Variants in HIPK2 observed in about 807,000 individuals in gnomAD.
HIPK2 encodes the protein homeodomain-interacting protein kinase 2.
In HIPK2, 27 loss-of-function variants were observed where a neutral mutation model predicts 113.7. That is an observed-to-expected ratio of 0.24 (90% CI 0.17 to 0.33). HIPK2 has a LOEUF of 0.33. HIPK2 is among the 10% of genes least tolerant of loss of function. The probability of loss-of-function intolerance (pLI) is 1.00; values close to 1 mark genes in which losing one functional copy is unlikely to be tolerated. For missense variants in HIPK2, 1,257 were observed against 1,588.0 expected (o/e 0.79, Z 3.54); for synonymous variants, 631 against 642.2 (o/e 0.98, Z 0.26).
chr7:139,581,801 G>A (rs1798677897), intron 13 of HIPK2, among the ~76,000 whole-genome samples: 1 of 152,220 alleles, frequency 6.6e-6, no homozygotes, highest in South Asian at 2.1e-4. Context: ...GGCACCAGAC[G>A]AGGAATGCCC....
intron 1 of HIPK2, among the ~76,000 whole-genome samples, chr7:139,762,175 T>G (rs752586992): frequency 6.6e-6 from 1 of 152,222 alleles, no homozygotes; most frequent in Non-Finnish European, 1.5e-5. Context: ...ATTCCTGGAA[T>G]GACTTGGGAA....
At chr7:139,742,603 T>C (rs1445775524) in intron 1 of HIPK2, among the ~76,000 whole-genome samples, 2 of 152,242 alleles carry the variant, frequency 1.3e-5, no homozygotes, top group African/African-American at 4.8e-5. Context: ...CTTTTAGCTC[T>C]AACAATGGGT....
intron 1 of HIPK2, among the ~76,000 whole-genome samples, chr7:139,740,448 GCT>G (rs1796067458): frequency 6.6e-6 from 1 of 152,190 alleles, no homozygotes; most frequent in African/African-American, 2.4e-5. Context: ...GCAAACTGGT[GCT>G]CTCTCTACCG....
At chr7:139,746,179 A>G (rs1170796629) in intron 1 of HIPK2, among the ~76,000 whole-genome samples, 1 of 152,152 alleles carries the variant, frequency 6.6e-6, no homozygotes, top group African/African-American at 2.4e-5. Context: ...ACATTCAAAT[A>G]AAAAAACCTG....
At chr7:139,704,904 G>A (rs867317884) in intron 2 of HIPK2, among the ~76,000 whole-genome samples, 15 of 152,160 alleles carry the variant, frequency 9.9e-5, no homozygotes, top group African/African-American at 3.6e-4. Flanking sequence ...AAGTCAGGAA[G>A]TATACCCCCA....
chr7:139,685,593 G>T (rs1794191019), intron 2 of HIPK2, among the ~76,000 whole-genome samples: 1 of 152,174 alleles, frequency 6.6e-6, no homozygotes, highest in South Asian at 2.1e-4. Flanking sequence ...TCTTGTTAAG[G>T]GCTGATGCAG....
intron 1 of HIPK2, among the ~76,000 whole-genome samples, chr7:139,764,683 C>T (rs1487199402): frequency 5.9e-5 from 9 of 152,030 alleles, no homozygotes; most frequent in Admixed American, 5.9e-4. Context: ...TTTAGGAGTC[C>T]CTAACAGATA....
At chr7:139,634,053 T>G (rs887340644) in intron 2 of HIPK2, among the ~76,000 whole-genome samples, 2 of 150,590 alleles carry the variant, frequency 1.3e-5, no homozygotes, top group African/African-American at 2.5e-5. Context: ...GAGGGTGCCA[T>G]GAGCCATGAT....
chr7:139,754,353 A>C (rs1796330630), intron 1 of HIPK2, among the ~76,000 whole-genome samples: 1 of 152,234 alleles, frequency 6.6e-6, no homozygotes, highest in Admixed American at 6.5e-5. Flanking sequence ...GCTGAACAGA[A>C]CTGAGGGCCA....
chr7:139,586,803 C>T (rs1292118736), intron 12 of HIPK2, among the ~76,000 whole-genome samples: 2 of 151,444 alleles, frequency 1.3e-5, no homozygotes, highest in East Asian at 1.9e-4. Context: ...GGATGAACCT[C>T]GAAAATATTA....
At chr7:139,738,294 G>C (rs1795996896) in intron 1 of HIPK2, among the ~76,000 whole-genome samples, 1 of 152,224 alleles carries the variant, frequency 6.6e-6, no homozygotes. Flanking sequence ...CTATTCTTGG[G>C]AAACACACGC....
chr7:139,673,541 G>C (rs193054375), intron 2 of HIPK2, among the ~76,000 whole-genome samples: 14 of 152,274 alleles, frequency 9.2e-5, no homozygotes, highest in African/African-American at 3.4e-4. Flanking sequence ...TAGGCCATCT[G>C]TGTGAGGACT....
chr7:139,625,039 A>G (rs1800377807), intron 6 of HIPK2, among the ~76,000 whole-genome samples: 1 of 152,194 alleles, frequency 6.6e-6, no homozygotes, highest in Non-Finnish European at 1.5e-5. Flanking sequence ...GAGAAGCAGA[A>G]GCTGTCTGAC....
rs532598794 is a variant in HIPK2, at chr7:139,590,102, C to T, written c.2718-6038G>A. ...ATGACTACGGCAGATTCTTTAGGCT[C>T]GTATCTATCGATACTACTGGGATTC... is the stretch of plus-strand genomic sequence containing the variant. On this transcript the variant is annotated intron_variant, in intron 12 of 14. Coordinates refer to ENST00000406875, the MANE Select transcript of HIPK2 (RefSeq NM_022740.5). Among the ~76,000 whole-genome samples, 118 of 152,238 alleles carry T rather than the reference C, an allele frequency of 7.8e-4. 3 individuals are homozygous for T. The highest frequency in any genetic ancestry group is 2.8e-3 in the African/African-American group (115 of 41,534).
intron 2 of HIPK2, among the ~76,000 whole-genome samples, chr7:139,685,724 C>T (rs1794196682): frequency 6.6e-6 from 1 of 152,218 alleles, no homozygotes; most frequent in Non-Finnish European, 1.5e-5. Context: ...GCCTAGATGA[C>T]AGGACATCTG....
At chr7:139,750,504 G>A (rs978828182) in intron 1 of HIPK2, among the ~76,000 whole-genome samples, 2 of 152,112 alleles carry the variant, frequency 1.3e-5, no homozygotes, top group Non-Finnish European at 1.5e-5. Flanking sequence ...GCGTGAACAC[G>A]CCAGTTAAAA....
intron 2 of HIPK2, among the ~76,000 whole-genome samples, chr7:139,659,597 CTA>C (rs2116538472): frequency 6.6e-6 from 1 of 152,342 alleles, no homozygotes; most frequent in East Asian, 1.9e-4. Context: ...TGTTGCTATC[CTA>C]TAGTCTCTGC....
chr7:139,626,796 G>A lies in HIPK2; in HGVS notation c.1435-11C>T, dbSNP rs752349305. The A allele has an allele frequency of 6.2e-7, 1 of 1,613,674 alleles. No homozygotes were observed. Among genetic ancestry groups the A allele is most frequent in the East Asian group, 2.2e-5 (1 of 44,894 alleles). ...TGTCGTCATGTTCACCTGGACGCAA[G>A]TAAGGACAGGTTACCAAGGAAGACC... is the stretch of plus-strand genomic sequence containing the variant. On this transcript the variant is annotated splice_polypyrimidine_tract_variant and intron_variant, in intron 5 of 14. Transcript: ENST00000406875.
chr7:139,717,121 T>C, intron 1 of HIPK2, 106 bp from the exon 2 acceptor site: 1 of 1,341,166 alleles, frequency 7.5e-7, no homozygotes, highest in Non-Finnish European at 1.0e-6. Context: ...ATACAGAATA[T>C]ATTCCTCCCA....
Sources: gnomAD v4.1 joint callset for allele counts (sites outside exome capture counted in the v4.1 genomes callset) on GRCh38, gnomAD v4.1.1 for gene constraint, MANE v1.5 for transcripts, NCBI Gene and HGNC (gene_info 2026-07-23, HGNC 2026-07-21) for gene names.